Variants in TYR observed in about 807,000 individuals in gnomAD.
TYR encodes the protein tyrosinase, also known as LB24-AB.
Under a neutral mutation model 51.5 loss-of-function variants are expected in TYR, and 58 were observed. The observed-to-expected ratio is 1.13, with a 90% CI of 0.91 to 1.40. The LOEUF (loss-of-function observed/expected upper bound fraction) is 1.40, where lower values mean the gene tolerates loss of function less well. TYR is among the 40% of genes most tolerant of loss of function. TYR has a pLI of 0.00. For synonymous variants in TYR, 263 were observed against 235.2 expected (o/e 1.12, Z -1.08); for missense variants, 732 against 647.4 (o/e 1.13, Z -1.42).
intron 4 of TYR, among the ~76,000 whole-genome samples, chr11:89,285,482 G>A (rs184889855): frequency 1.3e-5 from 2 of 151,736 alleles, no homozygotes; most frequent in East Asian, 3.9e-4. Flanking sequence ...AATAATAATA[G>A]CTATTATAAT....
chr11:89,206,203 A>T (rs977514399), intron 2 of TYR, among the ~76,000 whole-genome samples: 1 of 152,158 alleles, frequency 6.6e-6, no homozygotes, highest in Non-Finnish European at 1.5e-5. Flanking sequence ...AATACCAATT[A>T]AGAGATTGGG....
intron 2 of TYR, among the ~76,000 whole-genome samples, chr11:89,215,171 T>C (rs7121593): frequency 0.034 from 5,174 of 152,256 alleles, 138 homozygotes; most frequent in African/African-American, 0.073. Context: ...ATAATATCTA[T>C]ATATTTTATA....
chr11:89,253,105 A>G (rs1944349012), intron 3 of TYR, among the ~76,000 whole-genome samples: 1 of 151,708 alleles, frequency 6.6e-6, no homozygotes, highest in Non-Finnish European at 1.5e-5. Flanking sequence ...TTTCAGCTGG[A>G]TTAGAATTTC....
intron 3 of TYR, among the ~76,000 whole-genome samples, chr11:89,272,230 A>C (rs1944596773): frequency 6.6e-6 from 1 of 151,896 alleles, no homozygotes; most frequent in Admixed American, 6.6e-5. Context: ...TATAGCATGT[A>C]TTTCTTAAAT....
Position 89,178,620 on chromosome 11 carries a change from C to T in TYR, c.667C>T (p.Gln223Ter). Residue 223 changes from glutamine to a stop codon, truncating the protein, a stop_gained, in exon 1 of 5, where the codon CAG (glutamine) becomes TAG (stop). Coordinates refer to ENST00000263321, the MANE Select transcript of TYR (RefSeq NM_000372.5). LOFTEE classifies it high-confidence loss of function. The stretch of plus-strand genomic sequence containing the variant: ...CTTGTTGCGGTGGGAACAAGAAATC[C>T]AGAAGCTGACAGGAGATGAAAACTT... ...LFLLRWEQEI[Q>*]KLTGDENFTI... 6.2e-7 allele frequency: 1 copy of T among 1,612,294 alleles called. No homozygotes were observed. The highest frequency in any genetic ancestry group is 8.5e-7 in the Non-Finnish European group (1 of 1,178,966).
At chr11:89,260,973 C>T (rs1053599102) in intron 3 of TYR, among the ~76,000 whole-genome samples, 2 of 152,062 alleles carry the variant, frequency 1.3e-5, no homozygotes, top group African/African-American at 4.8e-5. Flanking sequence ...ATCTAGGTTG[C>T]ACATTCCTTA....
At chr11:89,276,581 G>T (rs1188210862) in intron 3 of TYR, among the ~76,000 whole-genome samples, 2 of 151,396 alleles carry the variant, frequency 1.3e-5, no homozygotes, top group Non-Finnish European at 3.0e-5. Context: ...TCCTGATCTT[G>T]TAATGTATTC....
intron 3 of TYR, among the ~76,000 whole-genome samples, chr11:89,244,012 G>A (rs1453304664): frequency 6.6e-6 from 1 of 152,012 alleles, no homozygotes; most frequent in African/African-American, 2.4e-5. Flanking sequence ...CTGGTTGGTA[G>A]AATTATGCAT....
chr11:89,231,561 G>A (rs1027402499), intron 3 of TYR, among the ~76,000 whole-genome samples: 1 of 143,240 alleles, frequency 7.0e-6, no homozygotes, highest in Non-Finnish European at 1.5e-5. Context: ...AAACTGCATG[G>A]TCTCACTTAT....
intron 3 of TYR, among the ~76,000 whole-genome samples, chr11:89,259,509 A>T (rs912589493): frequency 6.6e-6 from 1 of 152,112 alleles, no homozygotes; most frequent in Admixed American, 6.6e-5. Flanking sequence ...AAATAACATC[A>T]AATATTACTA....
chr11:89,241,834 T>A (rs1011996144), intron 3 of TYR, among the ~76,000 whole-genome samples: 30 of 148,302 alleles, frequency 2.0e-4, no homozygotes, highest in Non-Finnish European at 4.3e-4. Flanking sequence ...TATACATATA[T>A]ATATTTCATA....
chr11:89,256,617 A>C (rs1009962532), intron 3 of TYR, among the ~76,000 whole-genome samples: 1 of 151,926 alleles, frequency 6.6e-6, no homozygotes, highest in African/African-American at 2.4e-5. Flanking sequence ...TTGAAAATTC[A>C]AAAGTGGAAA....
intron 3 of TYR, among the ~76,000 whole-genome samples, chr11:89,242,866 G>A (rs1337888058): frequency 3.9e-5 from 6 of 152,174 alleles, no homozygotes; most frequent in African/African-American, 4.8e-5. Flanking sequence ...TCTATAAAGA[G>A]TAGGGAGCAT....
chr11:89,186,384 T>C (rs547205182), intron 1 of TYR, among the ~76,000 whole-genome samples: 24 of 152,248 alleles, frequency 1.6e-4, no homozygotes, highest in Admixed American at 1.3e-3. Flanking sequence ...CAATGGAGCA[T>C]ATGCTTGGTT....
At chr11:89,264,326 C>A (rs758086072) in intron 3 of TYR, among the ~76,000 whole-genome samples, 1 of 151,876 alleles carries the variant, frequency 6.6e-6, no homozygotes, top group Non-Finnish European at 1.5e-5. Flanking sequence ...AAATATTTCA[C>A]GGACTCCAGA....
intron 2 of TYR, among the ~76,000 whole-genome samples, chr11:89,200,012 C>T (rs901570429): frequency 1.1e-4 from 16 of 152,150 alleles, no homozygotes; most frequent in African/African-American, 3.9e-4. Flanking sequence ...GGAAAAATAT[C>T]ACTACACATT....
chr11:89,230,559 G>C (rs1944033652), intron 3 of TYR, among the ~76,000 whole-genome samples: 1 of 151,896 alleles, frequency 6.6e-6, no homozygotes, highest in African/African-American at 2.4e-5. Context: ...AAATCTCCAA[G>C]CGACCAAGAA....
In TYR at chr11:89,178,213, GGAC is replaced by G. The variant is rs1943250838; in HGVS notation, c.261_263del (p.Arg87_Thr88delinsSer). 6.2e-7 allele frequency: 1 copy of G among 1,614,128 alleles called. No homozygotes were observed. Among genetic ancestry groups the G allele is most frequent in the Non-Finnish European group, 8.5e-7 (1 of 1,180,030 alleles). On this transcript the variant is annotated inframe_deletion, in exon 1 of 5. Coordinates refer to ENST00000263321, the MANE Select transcript of TYR (RefSeq NM_000372.5). The stretch of plus-strand genomic sequence containing the variant: ...TCGTGGCCTTCCGTCTTTTATAATA[GGAC>G]CTGCCAGTGCTCTGGCAACTTCATG...
At chr11:89,293,823 G>A in intron 4 of TYR, 1 of 251,104 alleles carries the variant, frequency 4.0e-6, no homozygotes, top group Non-Finnish European at 8.3e-6. Flanking sequence ...CTTCATATTT[G>A]CCGCTTTTGC....
Sources: gnomAD v4.1 joint callset for allele counts (sites outside exome capture counted in the v4.1 genomes callset) on GRCh38, gnomAD v4.1.1 for gene constraint, MANE v1.5 for transcripts, NCBI Gene and HGNC (gene_info 2026-07-23, HGNC 2026-07-21) for gene names.